Variants in PTPRD observed in about 807,000 individuals in gnomAD.
PTPRD encodes receptor-type tyrosine-protein phosphatase delta.
Under a neutral mutation model 214.5 loss-of-function variants are expected in PTPRD, and 34 were observed. The ratio of observed to expected loss-of-function variants is 0.16; its 90% CI spans 0.12 to 0.21. The LOEUF is 0.21. Ranked by LOEUF, PTPRD falls within the 10% of genes least tolerant of loss-of-function variation. The pLI is 1.00. For missense variants in PTPRD, 2,545 were observed against 2,398.7 expected (o/e 1.06, Z -1.27); for synonymous variants, 1,128 against 845.7 (o/e 1.33, Z -5.79).
chr9:9,959,842 T>C (rs2094225190), intron 4 of PTPRD, among the ~76,000 whole-genome samples: 1 of 152,164 alleles, frequency 6.6e-6, no homozygotes. Context: ...TGACTTATGT[T>C]GTGATGGATT....
At chr9:8,768,896 A>T (rs1408406675) in intron 11 of PTPRD, among the ~76,000 whole-genome samples, 1 of 152,202 alleles carries the variant, frequency 6.6e-6, no homozygotes, top group East Asian at 1.9e-4. Flanking sequence ...AGGGACTAGT[A>T]CACTGACTTA....
At position 9,414,358 on chromosome 9, in the gene PTPRD, G is replaced by T. The variant is rs527398067; in HGVS notation, c.-236-16876C>A. On this transcript the variant is annotated intron_variant, in intron 8 of 45. Transcript: ENST00000381196. ...AATGCTTTTGAAAGAGGCAAGATTG[G>T]CAAGGATGGAGAATTAAGGTCTTTG... 3.3e-5 allele frequency among the ~76,000 whole-genome samples: 5 copies of T among 152,296 alleles called. No individual in the cohort carries two copies. The South Asian group carries it at 1.0e-3, about 32-fold the overall frequency.
chr9:8,419,065 A>C (rs1285361187), intron 35 of PTPRD, among the ~76,000 whole-genome samples: 2 of 151,850 alleles, frequency 1.3e-5, no homozygotes, highest in East Asian at 1.9e-4. Context: ...AAAAATTTTA[A>C]AAACTCATCA....
intron 11 of PTPRD, among the ~76,000 whole-genome samples, chr9:8,957,795 G>C (rs771452178): frequency 1.1e-4 from 16 of 151,752 alleles, no homozygotes; most frequent in Non-Finnish European, 2.1e-4. Flanking sequence ...GCCTAATGCT[G>C]AGTATGCAAG....
intron 10 of PTPRD, among the ~76,000 whole-genome samples, chr9:9,177,049 C>G (rs2099925336): frequency 6.6e-6 from 1 of 152,016 alleles, no homozygotes; most frequent in Admixed American, 6.6e-5. Context: ...AAGAACTGCC[C>G]AAGACTGGGT....
At chr9:8,934,119 C>T (rs1211170488) in intron 11 of PTPRD, among the ~76,000 whole-genome samples, 1 of 151,532 alleles carries the variant, frequency 6.6e-6, no homozygotes, top group Admixed American at 6.6e-5. Context: ...ATGGCTAATG[C>T]TGAACTGATA....
In PTPRD at chr9:10,023,158, G is replaced by T. The variant is rs555386675; in HGVS notation, c.-472+10560C>A. ...TAGATTTCTGTAAATCATTAAATATGTTTCTATGTACACGTGTGTATATAC... is the reference window on the plus strand; with the variant it reads ...TAGATTTCTGTAAATCATTAAATATTTTTCTATGTACACGTGTGTATATAC... On this transcript the variant is annotated intron_variant, in intron 4 of 45. Transcript: ENST00000381196. 2.0e-5 allele frequency among the ~76,000 whole-genome samples: 3 copies of T among 152,186 alleles called. No homozygotes were observed. In the South Asian group the frequency reaches 6.2e-4, roughly 32 times the overall value.
At chr9:10,174,963 T>C (rs915175400) in intron 3 of PTPRD, among the ~76,000 whole-genome samples, 2 of 152,010 alleles carry the variant, frequency 1.3e-5, no homozygotes, top group Admixed American at 6.6e-5. Flanking sequence ...CTTGAGAAAA[T>C]AGCTAGCTTG....
chr9:9,631,406 C>T (rs1000646704), intron 7 of PTPRD, among the ~76,000 whole-genome samples: 1 of 151,982 alleles, frequency 6.6e-6, no homozygotes, highest in Admixed American at 6.6e-5. Context: ...CACATTCAGC[C>T]ACAAGTTATT....
chr9:9,652,765 C>G (rs1314489929), intron 7 of PTPRD, among the ~76,000 whole-genome samples: 1 of 151,822 alleles, frequency 6.6e-6, no homozygotes, highest in East Asian at 2.0e-4. Context: ...CAGGTATGTA[C>G]CACCATTCCC....
chr9:8,320,426 G>A (rs945941344), intron 44 of PTPRD, among the ~76,000 whole-genome samples: 1 of 151,980 alleles, frequency 6.6e-6, no homozygotes, highest in Admixed American at 6.6e-5. Context: ...ATACATATGC[G>A]ATGCCCATAA....
intron 11 of PTPRD, among the ~76,000 whole-genome samples, chr9:8,838,196 C>A (rs914260495): frequency 6.6e-6 from 1 of 151,788 alleles, no homozygotes; most frequent in Non-Finnish European, 1.5e-5. Flanking sequence ...AAACCAGATA[C>A]CCATGAACAG....
At chr9:10,129,470 CA>C (rs2098842927) in intron 3 of PTPRD, among the ~76,000 whole-genome samples, 1 of 150,620 alleles carries the variant, frequency 6.6e-6, no homozygotes, top group South Asian at 2.1e-4. Context: ...ATTGCTTTCT[CA>C]CTTGGATTTT....
At chr9:10,257,044 C>T (rs1289072294) in intron 3 of PTPRD, among the ~76,000 whole-genome samples, 1 of 151,964 alleles carries the variant, frequency 6.6e-6, no homozygotes, top group African/African-American at 2.4e-5. Flanking sequence ...GAATCTGTTT[C>T]CTCCTCAAGA....
chr9:8,333,232 T>G (rs562277168), intron 43 of PTPRD, among the ~76,000 whole-genome samples: 3 of 152,154 alleles, frequency 2.0e-5, no homozygotes, highest in Admixed American at 6.6e-5. Flanking sequence ...GGAAAAGATT[T>G]GGAAAGCACA....
At chr9:10,502,242 G>A (rs1490784490) in intron 2 of PTPRD, among the ~76,000 whole-genome samples, 1 of 151,530 alleles carries the variant, frequency 6.6e-6, no homozygotes, top group Non-Finnish European at 1.5e-5. Context: ...CCTATGGCCA[G>A]AAAATTAAAA....
intron 5 of PTPRD, among the ~76,000 whole-genome samples, chr9:9,812,364 C>T (rs2047408090): frequency 6.6e-6 from 1 of 151,180 alleles, no homozygotes; most frequent in East Asian, 1.9e-4. Flanking sequence ...ATTATCCAAT[C>T]AAGAAATACA....
chr9:9,881,051 T>C (rs532636092), intron 5 of PTPRD, among the ~76,000 whole-genome samples: 129 of 152,282 alleles, frequency 8.5e-4, no homozygotes, highest in African/African-American at 3.0e-3. Context: ...TACGAGAATG[T>C]CTGGAAAAGT....
At chr9:8,594,383 T>C (rs1366279806) in intron 14 of PTPRD, among the ~76,000 whole-genome samples, 2 of 152,358 alleles carry the variant, frequency 1.3e-5, no homozygotes, top group East Asian at 1.9e-4. Context: ...GAATCTGTAA[T>C]CATTCTCTAA....
Sources: allele counts gnomAD v4.1 joint callset (sites outside exome capture counted in the v4.1 genomes callset), GRCh38; gene constraint gnomAD v4.1.1; transcripts MANE v1.5; gene names NCBI Gene and HGNC (gene_info 2026-07-23, HGNC 2026-07-21).